GOLM2: variants seen among roughly 807,000 people sequenced by gnomAD.
The protein encoded by GOLM2 is golgi membrane protein 2.
GOLM2 carries 26 observed loss-of-function variants against 55.9 expected under a neutral mutation model. The ratio of observed to expected loss-of-function variants is 0.47; its 90% CI spans 0.34 to 0.65. The LOEUF (loss-of-function observed/expected upper bound fraction) is 0.65. GOLM2 is among the 30% of genes least tolerant of loss of function. The pLI is 0.01. For synonymous variants in GOLM2, 165 were observed against 194.6 expected, an observed-to-expected ratio of 0.85 and a Z score of 1.27; for missense variants, 486 against 531.8, an observed-to-expected ratio of 0.91 and a Z score of 0.85.
chr15:44,335,857 C>T (rs550510508), intron 4 of GOLM2, among the ~76,000 whole-genome samples: 2 of 150,568 alleles, frequency 1.3e-5, no homozygotes, highest in Non-Finnish European at 2.9e-5. Context: ...CTTTGTCACC[C>T]AGGCTGGAGT....
intron 8 of GOLM2, among the ~76,000 whole-genome samples, chr15:44,385,228 G>T (rs1169313469): frequency 1.3e-5 from 2 of 152,062 alleles, no homozygotes; most frequent in Admixed American, 1.3e-4. Flanking sequence ...ATAGTTCTAT[G>T]TTTAGCTTTT....
At chr15:44,322,372 AC>A (rs1435904230) in intron 1 of GOLM2, among the ~76,000 whole-genome samples, 4 of 152,236 alleles carry the variant, frequency 2.6e-5, no homozygotes, top group Admixed American at 6.5e-5. Flanking sequence ...GTATAAAAAA[AC>A]AAATCATTTT....
intron 1 of GOLM2, among the ~76,000 whole-genome samples, chr15:44,306,247 G>A (rs1424646554): frequency 1.3e-5 from 2 of 152,172 alleles, no homozygotes; most frequent in African/African-American, 2.4e-5. Flanking sequence ...ATAACTTGCT[G>A]CAGCTTTTTC....
intron 1 of GOLM2, among the ~76,000 whole-genome samples, chr15:44,306,257 C>T (rs986635273): frequency 1.3e-5 from 2 of 151,928 alleles, no homozygotes; most frequent in Non-Finnish European, 2.9e-5. Flanking sequence ...GCAGCTTTTT[C>T]ATCAGCACTT....
At chr15:44,356,338 A>G (rs1296079742) in intron 6 of GOLM2, among the ~76,000 whole-genome samples, 1 of 152,228 alleles carries the variant, frequency 6.6e-6, no homozygotes, top group African/African-American at 2.4e-5. Context: ...AGCCTCTAGC[A>G]AGGCTAAGAG....
At chr15:44,343,239 A>T (rs1409710719) in intron 6 of GOLM2, among the ~76,000 whole-genome samples, 2 of 151,632 alleles carry the variant, frequency 1.3e-5, no homozygotes, top group African/African-American at 4.8e-5. Flanking sequence ...AGGCTGAGGC[A>T]GGAGAATCGC....
At chr15:44,320,889 T>A (rs1026686626) in intron 1 of GOLM2, among the ~76,000 whole-genome samples, 2 of 152,224 alleles carry the variant, frequency 1.3e-5, no homozygotes, top group Non-Finnish European at 2.9e-5. Flanking sequence ...TCTTGAGGTA[T>A]ACCTCATGCT....
chr15:44,308,010 G>T (rs1427697415), intron 1 of GOLM2: 1 of 152,008 alleles, frequency 6.6e-6, no homozygotes, highest in Non-Finnish European at 1.5e-5. Context: ...AGCTATTTGG[G>T]GCCAGAATAA....
intron 8 of GOLM2, among the ~76,000 whole-genome samples, chr15:44,398,973 A>C (rs1374593322): frequency 1.3e-5 from 2 of 151,930 alleles, no homozygotes; most frequent in African/African-American, 4.8e-5. Flanking sequence ...TGGCCCCGTA[A>C]TTATCTGTAA....
At chr15:44,318,730 G>T (rs911665942) in intron 1 of GOLM2, among the ~76,000 whole-genome samples, 2 of 151,634 alleles carry the variant, frequency 1.3e-5, no homozygotes, top group African/African-American at 4.8e-5. Context: ...AAAAAAATTG[G>T]AAGTTGAATT....
rs149685279 is a variant in GOLM2, at chr15:44,409,080, A to G, written c.1241-4256A>G. Among the ~76,000 whole-genome samples the G allele has an allele frequency of 6.2e-3, 950 of 152,002 alleles. 9 individuals carry two copies. Among genetic ancestry groups the G allele is most frequent in the African/African-American group, 0.022 (918 of 41,478 alleles). On this transcript the variant is annotated intron_variant, in intron 9 of 9. Coordinates refer to ENST00000299957, the MANE Select transcript of GOLM2 (RefSeq NM_138423.4). ...ATCACGAGGTCAGGAGATCGAGACC[A>G]TCTTGGCTAACAAGGTGAAACCCCA...
At chr15:44,322,008 C>T (rs1465068898) in intron 1 of GOLM2, among the ~76,000 whole-genome samples, 2 of 151,958 alleles carry the variant, frequency 1.3e-5, no homozygotes, top group African/African-American at 2.4e-5. Flanking sequence ...TGCAGTGAAC[C>T]GTGATTGCAT....
Position 44,288,974 on chromosome 15 carries a change from C to A in GOLM2, c.-56C>A. ...CGGGCAACTCCAGCCGAGGCCTGGG[C>A]TTCTGCCTGCAGGTGTCTGCGGCGA... On this transcript the variant is annotated 5_prime_UTR_variant, in exon 1 of 10. Transcript: ENST00000299957. The A allele has an allele frequency of 6.7e-7, 1 of 1,499,736 alleles. No homozygotes were observed. Among genetic ancestry groups the A allele is most frequent in the Non-Finnish European group, 9.1e-7 (1 of 1,103,886 alleles). The allele number at this position is 1,499,736 out of a possible 1,614,324, so 92.9% of individuals were successfully genotyped here. A position where few individuals can be genotyped will look rare whatever the true frequency, so the allele number is the denominator to read the frequency against.
chr15:44,340,681 G>C (rs2079085426), intron 6 of GOLM2, among the ~76,000 whole-genome samples: 2 of 152,156 alleles, frequency 1.3e-5, no homozygotes, highest in African/African-American at 4.8e-5. Flanking sequence ...TTTTGGAATG[G>C]AGCCCAGCAA....
rs149138500 is a variant in GOLM2 at position 44,289,176 on chromosome 15, G to T, written c.147G>T (p.Leu49=). The part of the protein sequence containing the change: ...HVLLQEEVAE[L]QGQVQRTEVA... Reference sequence around the variant, plus strand: ...TGCTTCAGGAGGAGGTGGCCGAGCTGCAGGGCCAGGTCCAGCGCACCGAAG... The same window carrying T: ...TGCTTCAGGAGGAGGTGGCCGAGCTTCAGGGCCAGGTCCAGCGCACCGAAG... The change falls in exon 1 of 10, where the codon CTG becomes CTT. Residue 49 remains leucine, a synonymous_variant. Transcript: ENST00000299957. This position sits in a 1 kb window ranked among gnomAD's most constrained non-coding sequence, Gnocchi z 4.8. 1.2e-6 allele frequency: 2 copies of T among 1,614,210 alleles called. No homozygotes were observed. Among genetic ancestry groups the T allele is most frequent in the African/African-American group, 1.3e-5 (1 of 75,072 alleles).
At chr15:44,367,376 T>C (rs2079293026) in intron 6 of GOLM2, among the ~76,000 whole-genome samples, 1 of 152,202 alleles carries the variant, frequency 6.6e-6, no homozygotes, top group African/African-American at 2.4e-5. Context: ...GTGCAGGTCT[T>C]CTAGCAGTGA....
At chr15:44,407,894 G>C (rs1595670993) in intron 9 of GOLM2, among the ~76,000 whole-genome samples, 1 of 151,756 alleles carries the variant, frequency 6.6e-6, no homozygotes, top group East Asian at 1.9e-4. Flanking sequence ...TGGGATTACA[G>C]GCGTCCACCA....
intron 6 of GOLM2, among the ~76,000 whole-genome samples, chr15:44,343,538 T>C (rs2079102422): frequency 6.6e-6 from 1 of 151,664 alleles, no homozygotes. Context: ...GAAAAGAACA[T>C]ATCCTGGCTG....
intron 1 of GOLM2, among the ~76,000 whole-genome samples, chr15:44,294,581 G>A (rs1032995493): frequency 2.6e-5 from 4 of 151,984 alleles, no homozygotes; most frequent in Admixed American, 6.6e-5. Flanking sequence ...GGGTATGGTG[G>A]TGCGCACCTG....
Sources: allele counts gnomAD v4.1 joint callset (sites outside exome capture counted in the v4.1 genomes callset), GRCh38; gene constraint gnomAD v4.1.1; non-coding constraint Gnocchi (gnomAD v3.1); transcripts MANE v1.5; gene names NCBI Gene and HGNC (gene_info 2026-07-23, HGNC 2026-07-21).